The following OR4K13 variants were observed in gnomAD, a reference collection of about 807,000 sequenced individuals.
OR4K13 encodes the protein olfactory receptor 4K13.
For missense variants in OR4K13, 403 were observed against 366.0 expected, an observed-to-expected ratio of 1.10 and a Z score of -0.82; for synonymous variants, 160 against 134.8, an observed-to-expected ratio of 1.19 and a Z score of -1.30.
Position 20,034,744 on chromosome 14 carries a change from G to T in OR4K13, c.15C>A (p.Asn5Lys). 6.2e-7 allele frequency: 1 copy of T among 1,606,644 alleles called. No individual in the cohort carries two copies. Among genetic ancestry groups the T allele is most frequent in the Non-Finnish European group, 8.5e-7 (1 of 1,177,114 alleles). MERANHSVVSEFILL... is the reference protein window; with the variant it reads MERAKHSVVSEFILL... ...AAATAAATTCCGATACCACTGAATG[G>T]TTTGCTCTTTCCATATCGTCAACTT... The change falls in exon 2 of 2, where the codon AAC becomes AAA. Residue 5 changes from asparagine (N) to lysine (K), a missense_variant. By Grantham distance (94) the Asn-to-Lys change is moderately conservative. Transcript: ENST00000641904.
chr14:20,034,012 CAG>C lies in OR4K13; in HGVS notation c.745_746del (p.Leu249ValfsTer20), dbSNP rs1566530453. 6.2e-7 allele frequency: 1 copy of C among 1,614,070 alleles called. No individual in the cohort carries two copies. ...TLSAHITVVT[L>X]FFAPCVFIYV... is the part of the protein sequence containing the mutation. ...AGATAAAGACACACGGAGCAAAGAACAGAGTCACAACTGTGATGTGAGCTGAG... is the reference window on the plus strand; with the variant it reads ...AGATAAAGACACACGGAGCAAAGAACAGTCACAACTGTGATGTGAGCTGAG... On this transcript the variant is annotated frameshift_variant, in exon 2 of 2. Coordinates refer to ENST00000641904, the MANE Select transcript of OR4K13 (RefSeq NM_001004714.2). LOFTEE classifies it low-confidence loss of function (END_TRUNC).
In OR4K13 at chr14:20,034,134, C is replaced by G. The variant is rs904100902; in HGVS notation, c.625G>C (p.Val209Leu). The G allele has an allele frequency of 1.2e-6, 2 of 1,613,902 alleles. No homozygotes were observed. The highest frequency in any genetic ancestry group is 2.7e-5 in the African/African-American group (2 of 74,878). The change falls in exon 2 of 2, where the codon GTC becomes CTC. Residue 209 changes from valine to leucine, a missense_variant. Transcript: ENST00000641904. Reference protein sequence around the residue: ...VIADSGLLSLVCFLLLLVSYG... With the variant: ...VIADSGLLSLLCFLLLLVSYG... ...GAGACAAGCAAGAGGAGGAAGCAGA[C>G]CAGTGACAGGAGCCCACTGTCAGCA...
Position 20,034,983 on chromosome 14 carries a change from T to A in OR4K13, c.-223-2A>T, listed in dbSNP as rs955476714. The A allele has an allele frequency of 2.1e-6, 1 of 484,916 alleles. No individual in the cohort carries two copies. Among genetic ancestry groups the A allele is most frequent in the East Asian group, 3.4e-5 (1 of 29,062 alleles). 30.0% of individuals were successfully genotyped at this position (484,916 alleles called of 1,614,324 possible). A position where few individuals can be genotyped will look rare whatever the true frequency, so the allele number is the denominator to read the frequency against. ...CAGTAGAATTCAGAATATAAGTTTC[T>A]GGAAGACAAAAATAAAAACATTAAT... is the stretch of plus-strand genomic sequence containing the variant. On this transcript the variant is annotated splice_acceptor_variant, in intron 1 of 1. Coordinates refer to ENST00000641904, the MANE Select transcript of OR4K13 (RefSeq NM_001004714.2). LOFTEE classifies it low-confidence loss of function (5UTR_SPLICE).
At position 20,034,145 on chromosome 14, in the gene OR4K13, A is replaced by C. The variant is rs770713528; in HGVS notation, c.614T>G (p.Leu205Arg). 18 of 1,614,110 alleles carry C rather than the reference A, an allele frequency of 1.1e-5. No individual in the cohort carries two copies. The Middle Eastern group carries it at 6.6e-4, about 59-fold the overall frequency. The change falls in exon 2 of 2, where the codon CTC becomes CGC. Residue 205 changes from leucine to arginine, a missense_variant. Coordinates refer to ENST00000641904, the MANE Select transcript of OR4K13 (RefSeq NM_001004714.2). ...LQLLVIADSG[L>R]LSLVCFLLLL... is the part of the protein sequence containing the mutation. ...GAGGAGGAAGCAGACCAGTGACAGG[A>C]GCCCACTGTCAGCAATGACCAGGAG... is the stretch of plus-strand genomic sequence containing the variant.
Position 20,034,408 on chromosome 14 carries a change from G to A in OR4K13, c.351C>T (p.Ala117=), listed in dbSNP as rs149347818. 1.0e-4 allele frequency: 167 copies of A among 1,613,904 alleles called. No individual in the cohort carries two copies. The African/African-American group carries it at 1.9e-3, about 18-fold the overall frequency. Residue 117 remains alanine, a synonymous_variant, in exon 2 of 2, where the codon GCC becomes GCT. Coordinates refer to ENST00000641904, the MANE Select transcript of OR4K13 (RefSeq NM_001004714.2). ...LGGSEMMLLV[A]MAIDRYVAIC... is the part of the protein sequence containing the mutation. ...TGGCAACATACCTGTCTATTGCCAT[G>A]GCTACAAGCAACATCATCTCACTCC... is the stretch of plus-strand genomic sequence containing the variant.
In OR4K13 at chr14:20,034,836, T is replaced by C; in HGVS notation, c.-78A>G. On this transcript the variant is annotated 5_prime_UTR_variant, in exon 2 of 2. Coordinates refer to ENST00000641904, the MANE Select transcript of OR4K13 (RefSeq NM_001004714.2). Reference sequence around the variant, plus strand: ...AAATGATGCATATTGGAAAGAAATGTTCATGTTGATGTCCACATTTGGTAC... The same window carrying C: ...AAATGATGCATATTGGAAAGAAATGCTCATGTTGATGTCCACATTTGGTAC... 1 of 1,185,198 alleles carries C rather than the reference T, an allele frequency of 8.4e-7. No homozygotes were observed. The highest frequency in any genetic ancestry group is 1.2e-6 in the Non-Finnish European group (1 of 846,402). 73.4% of individuals were successfully genotyped at this position (1,185,198 alleles called of 1,614,324 possible). A position where few individuals can be genotyped will look rare whatever the true frequency, so the allele number is the denominator to read the frequency against.
At position 20,031,755 on chromosome 14, in the gene OR4K13, T is replaced by A. The variant is rs1877422443; in HGVS notation, c.*2089A>T. On this transcript the variant is annotated 3_prime_UTR_variant, in exon 2 of 2. Coordinates refer to ENST00000641904, the MANE Select transcript of OR4K13 (RefSeq NM_001004714.2). Reference sequence around the variant, plus strand: ...GATATAATATAACCAGCTTAAAATATAACCAGCTGAAGTCTCCCCCGCCTC... The same window carrying A: ...GATATAATATAACCAGCTTAAAATAAAACCAGCTGAAGTCTCCCCCGCCTC... 1.3e-5 allele frequency: 2 copies of A among 152,084 alleles called. No individual in the cohort carries two copies. The highest frequency in any genetic ancestry group is 4.1e-4 in the South Asian group (2 of 4,826). The allele number at this position is 152,084 out of a possible 1,614,324, so 9.4% of individuals were successfully genotyped here. A position where few individuals can be genotyped will look rare whatever the true frequency, so the allele number is the denominator to read the frequency against.
rs72667684 is a variant in OR4K13 at position 20,030,176 on chromosome 14, G to A, written c.*3668C>T. On this transcript the variant is annotated 3_prime_UTR_variant, in exon 2 of 2. Coordinates refer to ENST00000641904, the MANE Select transcript of OR4K13 (RefSeq NM_001004714.2). ...TACTGTGGGGGACAGGAGCATTTTT[G>A]GGTTGATGAAACTGTTCTATCTCTG... 0.073 allele frequency: 11,068 copies of A among 151,940 alleles called. 508 individuals are homozygous for A. The highest frequency in any genetic ancestry group is 0.12 in the Admixed American group (1,785 of 15,270). The allele number at this position is 151,940 out of a possible 1,614,324, so 9.4% of individuals were successfully genotyped here. A position where few individuals can be genotyped will look rare whatever the true frequency, so the allele number is the denominator to read the frequency against.
chr14:20,033,903 T>C lies in OR4K13; in HGVS notation c.856A>G (p.Ile286Val). 1 of 1,586,410 alleles carries C rather than the reference T, an allele frequency of 6.3e-7. No individual in the cohort carries two copies. The highest frequency in any genetic ancestry group is 8.7e-7 in the Non-Finnish European group (1 of 1,155,526). The change falls in exon 2 of 2, where the codon ATT becomes GTT. Residue 286 changes from isoleucine to valine, a missense_variant. Coordinates refer to ENST00000641904, the MANE Select transcript of OR4K13 (RefSeq NM_001004714.2). ...TIFTPLLNPI[I>V]YTLRNQEVKA... ...ACCTCTTGATTTCTTAATGTATAAA[T>C]AATAGGATTTAAGAGAGGTGTGAAA...
rs969806587 is a variant in OR4K13 at position 20,031,805 on chromosome 14, C to G, written c.*2039G>C. Reference sequence around the variant, plus strand: ...CCCCCCACCCCGAGCCCCCAACACACCCACCCATGCCCACCTCCCCGCTCA... The same window carrying G: ...CCCCCCACCCCGAGCCCCCAACACAGCCACCCATGCCCACCTCCCCGCTCA... On this transcript the variant is annotated 3_prime_UTR_variant, in exon 2 of 2. Coordinates refer to ENST00000641904, the MANE Select transcript of OR4K13 (RefSeq NM_001004714.2). 2.8e-5 allele frequency: 3 copies of G among 106,766 alleles called. No homozygotes were observed. Among genetic ancestry groups the G allele is most frequent in the Admixed American group, 2.2e-4 (2 of 9,240 alleles). 6.6% of individuals were successfully genotyped at this position (106,766 alleles called of 1,614,324 possible).
chr14:20,030,696 T>C lies in OR4K13; in HGVS notation c.*3148A>G, dbSNP rs11627711. The C allele has an allele frequency of 0.44, 66,354 of 152,162 alleles. 16,177 individuals are homozygous for C. Among genetic ancestry groups the C allele is most frequent in the Non-Finnish European group, 0.55 (37,333 of 68,014 alleles). The allele number at this position is 152,162 out of a possible 1,614,324, so 9.4% of individuals were successfully genotyped here. A position where few individuals can be genotyped will look rare whatever the true frequency, so the allele number is the denominator to read the frequency against. ...AAATAGAGAGTTTGCAGAACAAACA[T>C]TTAGCTGGGCAGAGACAAGGATAAT... On this transcript the variant is annotated 3_prime_UTR_variant, in exon 2 of 2. Transcript: ENST00000641904.
intron 1 of OR4K13, 108 bp downstream of exon 1, chr14:20,035,830 T>C (rs1471326579): frequency 6.6e-6 from 1 of 152,108 alleles, no homozygotes; most frequent in Admixed American, 6.6e-5. Context: ...GTTCAGCTTT[T>C]AAAAAAATTG....
In OR4K13 at chr14:20,034,073, G is replaced by C. The variant is rs1877495685; in HGVS notation, c.686C>G (p.Ala229Gly). The C allele has an allele frequency of 3.1e-6, 5 of 1,614,098 alleles. No homozygotes were observed. In the South Asian group the frequency reaches 5.5e-5, roughly 18 times the overall value. Reference protein sequence around the residue: ...GVIIFSVRYRAASRSSKAFST... With the variant: ...GVIIFSVRYRGASRSSKAFST... ...GAAAGCCTTAGAGGATCGACTAGCA[G>C]CACGGTACCTAACTGAGAATATTAT... is the stretch of plus-strand genomic sequence containing the variant. Residue 229 changes from alanine to glycine, a missense_variant, in exon 2 of 2, where the codon GCT (alanine) becomes GGT (glycine). Physicochemically the swap from Ala to Gly is moderately conservative, Grantham distance 60. Coordinates refer to ENST00000641904, the MANE Select transcript of OR4K13 (RefSeq NM_001004714.2).
At position 20,034,217 on chromosome 14, in the gene OR4K13, A is replaced by T. The variant is rs1162041940; in HGVS notation, c.542T>A (p.Leu181His). The T allele has an allele frequency of 6.2e-7, 1 of 1,614,194 alleles. No homozygotes were observed. Among genetic ancestry groups the T allele is most frequent in the Non-Finnish European group, 8.5e-7 (1 of 1,180,026 alleles). ...GCAGGCAAGTTTAATCACAAGGGGA[A>T]GGTCACAGAAAAAGCTGTCTATAAC... ...PNVIDSFFCDLPLVIKLACKD... is the reference protein window; with the variant it reads ...PNVIDSFFCDHPLVIKLACKD... The change falls in exon 2 of 2, where the codon CTT becomes CAT. Residue 181 changes from leucine (L) to histidine (H), a missense_variant. By Grantham distance (99) the Leu-to-His change is moderately conservative. Coordinates refer to ENST00000641904, the MANE Select transcript of OR4K13 (RefSeq NM_001004714.2).
rs989708639 is a variant in OR4K13 at position 20,032,033 on chromosome 14, G to C, written c.*1811C>G. Reference sequence around the variant, plus strand: ...GCAGGTCTGCGTGTTTTGTTCTGAAGGTTATCTTGAGTGATGGTCTGTCCT... The same window carrying C: ...GCAGGTCTGCGTGTTTTGTTCTGAACGTTATCTTGAGTGATGGTCTGTCCT... On this transcript the variant is annotated 3_prime_UTR_variant, in exon 2 of 2. Coordinates refer to ENST00000641904, the MANE Select transcript of OR4K13 (RefSeq NM_001004714.2). 6.6e-6 allele frequency: 1 copy of C among 152,348 alleles called. No individual in the cohort carries two copies. Among genetic ancestry groups the C allele is most frequent in the African/African-American group, 2.4e-5 (1 of 41,460 alleles). The allele number at this position is 152,348 out of a possible 1,614,324, so 9.4% of individuals were successfully genotyped here.
rs147614984 is a variant in OR4K13, at chr14:20,032,419, G to A, written c.*1425C>T. 3 of 152,330 alleles carry A rather than the reference G, an allele frequency of 2.0e-5. No homozygotes were observed. The highest frequency in any genetic ancestry group is 4.8e-5 in the African/African-American group (2 of 41,580). 9.4% of individuals were successfully genotyped at this position (152,330 alleles called of 1,614,324 possible). On this transcript the variant is annotated 3_prime_UTR_variant, in exon 2 of 2. Transcript: ENST00000641904. Reference sequence around the variant, plus strand: ...TCAGTATGAAACAACTAAGGCTGATGTGACTGTGCCCTTTATGTAACAAAT... The same window carrying A: ...TCAGTATGAAACAACTAAGGCTGATATGACTGTGCCCTTTATGTAACAAAT...
In OR4K13 at chr14:20,034,486, G is replaced by A. The variant is rs772486852; in HGVS notation, c.273C>T (p.Thr91=). The part of the protein sequence containing the change: ...MIVDFLRERK[T]ISWWGCYSQM... ...GGGAATAACATCCCCACCATGAGAT[G>A]GTCTTACGTTCTCGGAGGAAATCTA... The change falls in exon 2 of 2, where the codon ACC becomes ACT. Residue 91 remains threonine, a synonymous_variant. Transcript: ENST00000641904. 7 of 1,613,912 alleles carry A rather than the reference G, an allele frequency of 4.3e-6. No homozygotes were observed. The South Asian group carries it at 5.5e-5, about 13-fold the overall frequency.
In OR4K13 at chr14:20,034,796, G is replaced by C. The variant is rs1187668771; in HGVS notation, c.-38C>G. 6.7e-7 allele frequency: 1 copy of C among 1,488,668 alleles called. No individual in the cohort carries two copies. The highest frequency in any genetic ancestry group is 2.3e-5 in the East Asian group (1 of 44,072). The allele number at this position is 1,488,668 out of a possible 1,614,324, so 92.2% of individuals were successfully genotyped here. ...ATCCCATAATGATCAAAATAAGTGA[G>C]AATAAGGGGTAGGGAAATGATGCAT... On this transcript the variant is annotated 5_prime_UTR_variant, in exon 2 of 2. Transcript: ENST00000641904.
Position 20,031,256 on chromosome 14 carries a change from A to G in OR4K13, c.*2588T>C, listed in dbSNP as rs1397594562. On this transcript the variant is annotated 3_prime_UTR_variant, in exon 2 of 2. Transcript: ENST00000641904. Reference sequence around the variant, plus strand: ...CATCTATAAATCACATCACGTGCTTAGAAGGAGAGCAAGTGAATGGCAGGC... The same window carrying G: ...CATCTATAAATCACATCACGTGCTTGGAAGGAGAGCAAGTGAATGGCAGGC... 1 of 152,194 alleles carries G rather than the reference A, an allele frequency of 6.6e-6. No individual in the cohort carries two copies. Among genetic ancestry groups the G allele is most frequent in the Non-Finnish European group, 1.5e-5 (1 of 68,040 alleles). 9.4% of individuals were successfully genotyped at this position (152,194 alleles called of 1,614,324 possible).
Sources: gnomAD v4.1 joint callset for allele counts on GRCh38, gnomAD v4.1.1 for gene constraint, MANE v1.5 for transcripts, NCBI Gene and HGNC (gene_info 2026-07-23, HGNC 2026-07-21) for gene names.